The following ANKS1B variants were observed in gnomAD, a reference collection of about 807,000 sequenced individuals.
ANKS1B encodes ankyrin repeat and sterile alpha motif domain containing 1B.
Under a neutral mutation model 148.3 loss-of-function variants are expected in ANKS1B, and 36 were observed. The ratio of observed to expected loss-of-function variants is 0.24; its 90% CI spans 0.19 to 0.32. ANKS1B has a LOEUF of 0.32. ANKS1B is among the 10% of genes least tolerant of loss of function. The pLI, the probability that ANKS1B is intolerant of heterozygous loss-of-function variation, is 1.00. For missense variants in ANKS1B, 1,157 were observed against 1,542.6 expected (o/e 0.75, Z 4.19); for synonymous variants, 542 against 560.8 (o/e 0.97, Z 0.47).
intron 12 of ANKS1B, among the ~76,000 whole-genome samples, chr12:99,323,010 C>T (rs1280114920): frequency 1.3e-5 from 2 of 152,108 alleles, no homozygotes; most frequent in East Asian, 1.9e-4. Flanking sequence ...CCACTAAACC[C>T]CTTTTTCTTT....
chr12:99,888,284 G>T (rs537526379), intron 1 of ANKS1B, among the ~76,000 whole-genome samples: 1 of 152,284 alleles, frequency 6.6e-6, no homozygotes, highest in African/African-American at 2.4e-5. Flanking sequence ...TTCTTTAGAT[G>T]AATAGATGAA....
At chr12:99,473,976 T>A (rs994371857) in intron 10 of ANKS1B, among the ~76,000 whole-genome samples, 2 of 152,118 alleles carry the variant, frequency 1.3e-5, no homozygotes, top group Non-Finnish European at 2.9e-5. Flanking sequence ...AAGATGTCCA[T>A]GTGGATTACT....
chr12:99,876,973 T>C (rs923283346), intron 1 of ANKS1B, among the ~76,000 whole-genome samples: 5 of 152,068 alleles, frequency 3.3e-5, no homozygotes, highest in Non-Finnish European at 7.4e-5. Flanking sequence ...GATGCAACCA[T>C]GTTAAATTGG....
At chr12:99,771,021 A>G (rs1374712347) in intron 8 of ANKS1B, among the ~76,000 whole-genome samples, 1 of 152,130 alleles carries the variant, frequency 6.6e-6, no homozygotes, top group African/African-American at 2.4e-5. Flanking sequence ...GCTTACAAAA[A>G]AAATTGAACA....
intron 17 of ANKS1B, among the ~76,000 whole-genome samples, chr12:98,967,693 G>A (rs932136267): frequency 1.6e-5 from 2 of 122,688 alleles, no homozygotes; most frequent in Non-Finnish European, 3.2e-5. Flanking sequence ...ACAATTTACT[G>A]TGCCTTTTTA....
intron 17 of ANKS1B, among the ~76,000 whole-genome samples, chr12:99,031,654 G>C (rs1211171543): frequency 6.6e-6 from 1 of 152,180 alleles, no homozygotes; most frequent in Non-Finnish European, 1.5e-5. Context: ...GATGACAGAA[G>C]CTGCCATAGC....
intron 10 of ANKS1B, among the ~76,000 whole-genome samples, chr12:99,461,809 T>C (rs1206106080): frequency 6.6e-6 from 1 of 152,224 alleles, no homozygotes; most frequent in Non-Finnish European, 1.5e-5. Context: ...CAGATTACCA[T>C]GTCTAAGGCT....
At chr12:99,247,052 C>T (rs892669807) in intron 12 of ANKS1B, among the ~76,000 whole-genome samples, 188 bp from the exon 13 acceptor site, 3 of 152,044 alleles carry the variant, frequency 2.0e-5, no homozygotes, top group Non-Finnish European at 2.9e-5. Flanking sequence ...AGTGTGTGTG[C>T]GTGTGTATGC....
intron 22 of ANKS1B, among the ~76,000 whole-genome samples, chr12:98,787,193 G>C (rs189045042): frequency 6.6e-6 from 1 of 152,310 alleles, no homozygotes; most frequent in Non-Finnish European, 1.5e-5. Context: ...AACTAGCTAG[G>C]TTGTGGGATT....
At chr12:98,887,625 T>TC (rs997026492) in intron 17 of ANKS1B, among the ~76,000 whole-genome samples, 1 of 152,192 alleles carries the variant, frequency 6.6e-6, no homozygotes, top group African/African-American at 2.4e-5. Context: ...CCATTTTTTT[T>TC]TTGAGACAGT....
At chr12:99,812,406 A>G in intron 2 of ANKS1B, 95 bp from the exon 3 acceptor site, 1 of 1,309,882 alleles carries the variant, frequency 7.6e-7, no homozygotes, top group Non-Finnish European at 1.0e-6. Flanking sequence ...CTGGGTGGGA[A>G]TTTAGAGTAA....
At chr12:99,495,342 A>AGTGTGTGTGTGTGTGTGTGTGTGT (rs56107230) in intron 10 of ANKS1B, among the ~76,000 whole-genome samples, 13 of 145,396 alleles carry the variant, frequency 8.9e-5, no homozygotes, top group African/African-American at 3.3e-4. Flanking sequence ...GGGGAGAAAA[A>AGTGTGTGTGTGTGTGTGTGTGTGT]GTGTGTGTGT....
At chr12:99,140,900 A>G (rs1386871275) in intron 15 of ANKS1B, among the ~76,000 whole-genome samples, 1 of 152,116 alleles carries the variant, frequency 6.6e-6, no homozygotes, top group African/African-American at 2.4e-5. Context: ...TATATCTTCT[A>G]CATCCTTACA....
intron 17 of ANKS1B, among the ~76,000 whole-genome samples, chr12:98,905,692 C>G (rs78367052): frequency 0.022 from 3,340 of 151,932 alleles, 128 homozygotes; most frequent in African/African-American, 0.077. Flanking sequence ...GGATCACTTG[C>G]GCCCAGGAAG....
At chr12:99,433,408 C>T (rs2095411511) in intron 11 of ANKS1B, among the ~76,000 whole-genome samples, 1 of 152,054 alleles carries the variant, frequency 6.6e-6, no homozygotes, top group Non-Finnish European at 1.5e-5. Context: ...AAAAGCAGAA[C>T]AAGGCAAAAT....
rs2099500416 is a variant in ANKS1B at position 98,848,743 on chromosome 12, G to GTTTTTCTTTTTTTT, written c.2779-16608_2779-16607insAAAAAAAAGAAAAA. ...CTGGATTAATTTCTGTGTATGTGTG[G>GTTTTTCTTTTTTTT]TTTTTTTTTTTTTGAGACGGAGTCT... On this transcript the variant is annotated intron_variant, in intron 17 of 26. Coordinates refer to ENST00000683438, the MANE Select transcript of ANKS1B (RefSeq NM_001352186.2). 4.2e-5 allele frequency among the ~76,000 whole-genome samples: 2 copies of GTTTTTCTTTTTTTT among 48,090 alleles called. 1 individual carries two copies. Among genetic ancestry groups the GTTTTTCTTTTTTTT allele is most frequent in the African/African-American group, 1.8e-4 (2 of 11,206 alleles). 31.5% of individuals were successfully genotyped at this position (48,090 alleles called of 152,430 possible). A position where few individuals can be genotyped will look rare whatever the true frequency, so the allele number is the denominator to read the frequency against.
At chr12:99,497,082 G>C (rs73147341) in intron 10 of ANKS1B, among the ~76,000 whole-genome samples, 1,680 of 152,290 alleles carry the variant, frequency 0.011, 15 homozygotes, top group Middle Eastern at 0.02. Context: ...CCCTGTTGAG[G>C]AGGATTGGGT....
chr12:99,366,310 A>G (rs1197549244), intron 12 of ANKS1B, among the ~76,000 whole-genome samples: 1 of 152,126 alleles, frequency 6.6e-6, no homozygotes, highest in Admixed American at 6.5e-5. Context: ...GGCTCTGATA[A>G]CCACCATTTC....
chr12:99,730,321 A>G (rs890866197), intron 8 of ANKS1B, among the ~76,000 whole-genome samples: 3 of 88,758 alleles, frequency 3.4e-5, no homozygotes, highest in African/African-American at 1.4e-4. Context: ...AGTCAAGTCA[A>G]GTTGAGTCAA....
Sources: allele counts gnomAD v4.1 joint callset (sites outside exome capture counted in the v4.1 genomes callset), GRCh38; gene constraint gnomAD v4.1.1; transcripts MANE v1.5; gene names NCBI Gene and HGNC (gene_info 2026-07-23, HGNC 2026-07-21).